The following FRA10AC1 variants were observed in gnomAD, a reference collection of about 807,000 sequenced individuals.
The protein encoded by FRA10AC1 is FRA10A associated CGG repeat 1.
Under a neutral mutation model 56.5 loss-of-function variants are expected in FRA10AC1, and 43 were observed. That is an observed-to-expected ratio of 0.76 (90% confidence interval 0.60 to 0.98). FRA10AC1 has a LOEUF of 0.98. Among genes scored for constraint, FRA10AC1 ranks in the 50% least tolerant of loss-of-function variants. The pLI is 0.00. For missense variants in FRA10AC1, 346 were observed against 351.8 expected (o/e 0.98, Z 0.13); for synonymous variants, 112 against 110.5 (o/e 1.01, Z -0.09).
chr10:93,678,305 C>A (rs1199531119), intron 11 of FRA10AC1, among the ~76,000 whole-genome samples: 1 of 151,636 alleles, frequency 6.6e-6, no homozygotes, highest in Non-Finnish European at 1.5e-5. Flanking sequence ...CCAAAGCAGA[C>A]TGGTCCTTAA....
intron 1 of FRA10AC1, among the ~76,000 whole-genome samples, 190 bp downstream of exon 1, chr10:93,702,184 CG>C (rs1201880056): frequency 1.3e-5 from 2 of 150,344 alleles, no homozygotes; most frequent in African/African-American, 4.9e-5. Flanking sequence ...TTCAGGCCTA[CG>C]AATCAACTGA....
chr10:93,676,071 T>C (rs2058835149), intron 12 of FRA10AC1, among the ~76,000 whole-genome samples: 1 of 152,218 alleles, frequency 6.6e-6, no homozygotes, highest in Non-Finnish European at 1.5e-5. Context: ...CACTGACAAA[T>C]CTGTGATCTA....
intron 1 of FRA10AC1, among the ~76,000 whole-genome samples, 195 bp from the exon 2 acceptor site, chr10:93,700,301 T>C (rs1184747017): frequency 6.6e-6 from 1 of 152,162 alleles, no homozygotes; most frequent in Non-Finnish European, 1.5e-5. Flanking sequence ...TTTCAGGAAA[T>C]GCATCAACAT....
intron 12 of FRA10AC1, chr10:93,672,080 GA>G (rs2058772240): frequency 2.2e-6 from 1 of 450,362 alleles, no homozygotes; most frequent in East Asian, 7.0e-5. Context: ...CTCCAATAAT[GA>G]TTATTAGTCT....
At chr10:93,692,496 A>G in intron 6 of FRA10AC1, 150 bp downstream of exon 6, 3 of 569,084 alleles carry the variant, frequency 5.3e-6, no homozygotes, top group South Asian at 5.0e-5. Flanking sequence ...AAAATTACCA[A>G]AAGAACCAAA....
chr10:93,680,535 C>T (rs2058916644), intron 11 of FRA10AC1, among the ~76,000 whole-genome samples: 1 of 152,142 alleles, frequency 6.6e-6, no homozygotes, highest in African/African-American at 2.4e-5. Flanking sequence ...GAATATATTA[C>T]CATGTGCAAG....
intron 12 of FRA10AC1, among the ~76,000 whole-genome samples, chr10:93,676,065 G>A (rs2133898371): frequency 6.6e-6 from 1 of 152,234 alleles, no homozygotes; most frequent in East Asian, 1.9e-4. Context: ...GAAGAACACT[G>A]ACAAATCTGT....
intron 8 of FRA10AC1, among the ~76,000 whole-genome samples, chr10:93,685,767 C>T (rs2059016554): frequency 6.6e-6 from 1 of 150,886 alleles, no homozygotes; most frequent in African/African-American, 2.4e-5. Flanking sequence ...AAAGTACACA[C>T]ACTTATAGCT....
intron 7 of FRA10AC1, 47 bp downstream of exon 7, chr10:93,691,961 AT>A: frequency 6.6e-7 from 1 of 1,523,670 alleles, no homozygotes; most frequent in South Asian, 1.2e-5. Flanking sequence ...AAAAGTTAAT[AT>A]TTTACTTGAA....
In FRA10AC1 at chr10:93,668,002, C is replaced by T. The variant is rs1003753954; in HGVS notation, c.*1824G>A. On this transcript the variant is annotated 3_prime_UTR_variant, in exon 14 of 14. Coordinates refer to ENST00000359204, the MANE Select transcript of FRA10AC1 (RefSeq NM_145246.5). ...AGGTTCAGAAATGATTGCATAATTACTTCCTAGATGGTTCCTTTACAGCCA... is the reference window on the plus strand; with the variant it reads ...AGGTTCAGAAATGATTGCATAATTATTTCCTAGATGGTTCCTTTACAGCCA... 3 of 152,164 alleles carry T rather than the reference C, an allele frequency of 2.0e-5. No homozygotes were observed. Among genetic ancestry groups the T allele is most frequent in the African/African-American group, 7.2e-5 (3 of 41,446 alleles). 9.4% of individuals were successfully genotyped at this position (152,164 alleles called of 1,614,324 possible).
chr10:93,685,569 C>A, intron 8 of FRA10AC1: 4 of 370,756 alleles, frequency 1.1e-5, no homozygotes, highest in Non-Finnish European at 9.5e-6. Flanking sequence ...AGAATTCTTG[C>A]TTGATAGACT....
Position 93,702,591 on chromosome 10 carries a change from C to A in FRA10AC1, c.-217G>T. On this transcript the variant is annotated 5_prime_UTR_variant, in exon 1 of 14. Transcript: ENST00000359204. ...TACGGGTCCCGACTGGGCACCACTT[C>A]CGGTCCGACACGGCCACGTGTTACA... 4.5e-6 allele frequency: 1 copy of A among 223,526 alleles called. No homozygotes were observed. The highest frequency in any genetic ancestry group is 8.8e-6 in the Non-Finnish European group (1 of 113,348). 13.8% of individuals were successfully genotyped at this position (223,526 alleles called of 1,614,324 possible). A position where few individuals can be genotyped will look rare whatever the true frequency, so the allele number is the denominator to read the frequency against.
rs906354682 is a variant in FRA10AC1, at chr10:93,670,853, TC to T, written c.827-6del. 1 of 1,601,664 alleles carries T rather than the reference TC, an allele frequency of 6.2e-7. No homozygotes were observed. The highest frequency in any genetic ancestry group is 8.5e-7 in the Non-Finnish European group (1 of 1,169,802). Reference sequence around the variant, plus strand: ...TTTCTTCCTCATCAGAGTTTCCTGTTCATTTAAAAAAGATGATTTTTAAAAA... The same window carrying T: ...TTTCTTCCTCATCAGAGTTTCCTGTTATTTAAAAAAGATGATTTTTAAAAA... On this transcript the variant is annotated splice_region_variant and splice_polypyrimidine_tract_variant and intron_variant, in intron 12 of 13. Coordinates refer to ENST00000359204, the MANE Select transcript of FRA10AC1 (RefSeq NM_145246.5).
At chr10:93,685,511 G>A in intron 8 of FRA10AC1, 152 bp from the exon 9 acceptor site, 1 of 460,858 alleles carries the variant, frequency 2.2e-6, no homozygotes, top group Non-Finnish European at 3.8e-6. Flanking sequence ...CAACCAACTT[G>A]TATACAAGTA....
At chr10:93,673,565 C>T in intron 12 of FRA10AC1, 5 of 355,052 alleles carry the variant, frequency 1.4e-5, no homozygotes. Flanking sequence ...ATAACTTGCA[C>T]CACTGAAGAA....
In FRA10AC1 at chr10:93,676,703, AC is replaced by A; in HGVS notation, c.788-13del. On this transcript the variant is annotated splice_polypyrimidine_tract_variant and intron_variant, in intron 11 of 13. Coordinates refer to ENST00000359204, the MANE Select transcript of FRA10AC1 (RefSeq NM_145246.5). ...TGAAGATGAATGTCCTGAAAAGGAA[AC>A]ATCATTGATTTATTAACTATCATCT... The A allele has an allele frequency of 1.3e-6, 2 of 1,567,214 alleles. No homozygotes were observed. The highest frequency in any genetic ancestry group is 2.4e-5 in the South Asian group (2 of 83,502).
chr10:93,670,746 T>A, intron 13 of FRA10AC1, 24 bp downstream of exon 13: 1 of 1,438,160 alleles, frequency 7.0e-7, no homozygotes, highest in Non-Finnish European at 9.8e-7. Flanking sequence ...AAGGTACATA[T>A]TCTCTATTAA....
chr10:93,675,412 T>C (rs2058825453), intron 12 of FRA10AC1: 1 of 152,178 alleles, frequency 6.6e-6, no homozygotes, highest in Non-Finnish European at 1.5e-5. Flanking sequence ...CTTAGGTTTA[T>C]AAATAACCAA....
chr10:93,670,121 T>C (rs1466100776), intron 13 of FRA10AC1, among the ~76,000 whole-genome samples: 3 of 152,168 alleles, frequency 2.0e-5, no homozygotes, highest in African/African-American at 7.2e-5. Flanking sequence ...ACCTAAAATT[T>C]TGCTTTGAAA....
Sources: gnomAD v4.1 joint callset for allele counts (sites outside exome capture counted in the v4.1 genomes callset) on GRCh38, gnomAD v4.1.1 for gene constraint, MANE v1.5 for transcripts, NCBI Gene and HGNC (gene_info 2026-07-23, HGNC 2026-07-21) for gene names.